Variants in SYT1 observed in about 807,000 individuals in gnomAD.
SYT1 encodes the protein synaptotagmin-1.
SYT1 carries 8 observed loss-of-function variants against 44.8 expected under a neutral mutation model. The ratio of observed to expected loss-of-function variants is 0.18; its 90% CI spans 0.10 to 0.32. The LOEUF (loss-of-function observed/expected upper bound fraction) is 0.32, where lower values mean the gene tolerates loss of function less well. Ranked by LOEUF, SYT1 falls within the 10% of genes least tolerant of loss-of-function variation. The pLI, the probability that SYT1 is intolerant of heterozygous loss-of-function variation, is 1.00. For missense variants in SYT1, 286 were observed against 509.3 expected (o/e 0.56, Z 4.22); for synonymous variants, 154 against 188.8 (o/e 0.82, Z 1.51).
chr12:79,433,321 T>C (rs1424457668), intron 9 of SYT1, among the ~76,000 whole-genome samples: 1 of 152,200 alleles, frequency 6.6e-6, no homozygotes, highest in Non-Finnish European at 1.5e-5. Flanking sequence ...TATTCTCACA[T>C]TGTTTTCATT....
chr12:79,045,026 C>A (rs1873907331), intron 2 of SYT1, among the ~76,000 whole-genome samples: 1 of 152,160 alleles, frequency 6.6e-6, no homozygotes, highest in Non-Finnish European at 1.5e-5. Context: ...CTCTTCAAAG[C>A]TGTCAGACAG....
intron 1 of SYT1, among the ~76,000 whole-genome samples, chr12:78,883,003 ATAAAG>A (rs1054853423): frequency 9.9e-5 from 15 of 151,742 alleles, no homozygotes; most frequent in African/African-American, 1.9e-4. Context: ...CTAGCTAAAG[ATAAAG>A]TAGAGATTGT....
intron 1 of SYT1, among the ~76,000 whole-genome samples, chr12:78,907,735 T>C (rs1161386161): frequency 2.0e-5 from 3 of 152,050 alleles, no homozygotes; most frequent in African/African-American, 7.2e-5. Context: ...ATTACTGTCA[T>C]GAAGCTACCT....
At chr12:79,422,467 A>G (rs1869177841) in intron 9 of SYT1, among the ~76,000 whole-genome samples, 1 of 149,620 alleles carries the variant, frequency 6.7e-6, no homozygotes, top group African/African-American at 2.5e-5. Flanking sequence ...TCTCTGTTCT[A>G]TCTAGTATAG....
At chr12:79,018,507 G>A (rs1399941029) in intron 2 of SYT1, among the ~76,000 whole-genome samples, 1 of 151,914 alleles carries the variant, frequency 6.6e-6, no homozygotes, top group African/African-American at 2.4e-5. Flanking sequence ...ATAAAAAATT[G>A]TATATTTATT....
At chr12:78,905,175 T>G (rs1448208728) in intron 1 of SYT1, among the ~76,000 whole-genome samples, 3 of 152,214 alleles carry the variant, frequency 2.0e-5, no homozygotes, top group Non-Finnish European at 4.4e-5. Context: ...CAGAAAAGTT[T>G]ATCATCTTTC....
At chr12:78,993,765 A>G (rs1034270127) in intron 2 of SYT1, among the ~76,000 whole-genome samples, 2 of 152,240 alleles carry the variant, frequency 1.3e-5, no homozygotes, top group African/African-American at 4.8e-5. Context: ...CTTTTCAAAA[A>G]GTAATGTAAT....
intron 8 of SYT1, among the ~76,000 whole-genome samples, chr12:79,308,570 A>C (rs1480770165): frequency 6.7e-5 from 10 of 149,064 alleles, no homozygotes; most frequent in African/African-American, 1.5e-4. Flanking sequence ...AAAGGAAAAG[A>C]AAGAAAAGAA....
At chr12:79,049,871 A>T (rs1225430680) in intron 3 of SYT1, among the ~76,000 whole-genome samples, 1 of 152,076 alleles carries the variant, frequency 6.6e-6, no homozygotes, top group African/African-American at 2.4e-5. Flanking sequence ...ATATTGCTAA[A>T]GACGCTTAGA....
intron 3 of SYT1, among the ~76,000 whole-genome samples, chr12:79,187,180 T>C (rs1050292942): frequency 1.3e-5 from 2 of 152,026 alleles, no homozygotes; most frequent in African/African-American, 4.8e-5. Context: ...TATAACTCTC[T>C]CAGCCCATTC....
At chr12:79,382,302 T>C (rs577082499) in intron 9 of SYT1, among the ~76,000 whole-genome samples, 2 of 152,326 alleles carry the variant, frequency 1.3e-5, no homozygotes, top group South Asian at 2.1e-4. Context: ...TTCTGTATGA[T>C]ACTTCATTCC....
intron 1 of SYT1, among the ~76,000 whole-genome samples, chr12:78,880,140 C>G (rs752644175): frequency 2.0e-5 from 3 of 151,576 alleles, no homozygotes; most frequent in Non-Finnish European, 4.4e-5. Flanking sequence ...ACTTCTTCCC[C>G]AACCAGATTT....
intron 9 of SYT1, among the ~76,000 whole-genome samples, chr12:79,390,606 G>A (rs577105886): frequency 4.0e-5 from 6 of 151,886 alleles, no homozygotes; most frequent in East Asian, 3.9e-4. Context: ...CTGACTCCCC[G>A]CCATGGAAAA....
intron 9 of SYT1, among the ~76,000 whole-genome samples, chr12:79,428,966 G>C (rs891001117): frequency 7.2e-5 from 11 of 152,128 alleles, no homozygotes; most frequent in African/African-American, 2.7e-4. Context: ...AGGTGCAAGA[G>C]AGAGAGTGGG....
chr12:79,292,599 T>C (rs1170670471), intron 6 of SYT1, among the ~76,000 whole-genome samples: 1 of 152,154 alleles, frequency 6.6e-6, no homozygotes, highest in Admixed American at 6.5e-5. Flanking sequence ...TTAATTCTTG[T>C]CCATTAAATT....
At chr12:79,046,988 A>C (rs1439136276) in intron 2 of SYT1, among the ~76,000 whole-genome samples, 2 of 151,950 alleles carry the variant, frequency 1.3e-5, no homozygotes, top group African/African-American at 4.8e-5. Context: ...AATATTCTCT[A>C]ATGTCTGCCT....
chr12:79,304,201 A>G (rs1456829552), intron 8 of SYT1, among the ~76,000 whole-genome samples: 2 of 152,248 alleles, frequency 1.3e-5, no homozygotes, highest in African/African-American at 2.4e-5. Flanking sequence ...CACAGAGGCA[A>G]GAACACAATA....
intron 3 of SYT1, among the ~76,000 whole-genome samples, chr12:79,126,931 G>A (rs1868480050): frequency 6.6e-6 from 1 of 152,166 alleles, no homozygotes; most frequent in South Asian, 2.1e-4. Context: ...CATCATGCTT[G>A]TTTCCAATTT....
chr12:79,052,027 A>G (rs1025165488), intron 3 of SYT1, among the ~76,000 whole-genome samples: 7 of 152,066 alleles, frequency 4.6e-5, no homozygotes, highest in Admixed American at 4.6e-4. Context: ...TTTTGGTTCC[A>G]TATGAACTTT....
Sources: allele counts gnomAD v4.1 joint callset (sites outside exome capture counted in the v4.1 genomes callset), GRCh38; gene constraint gnomAD v4.1.1; transcripts MANE v1.5; gene names NCBI Gene and HGNC (gene_info 2026-07-23, HGNC 2026-07-21).